Variants in ESYT3 observed in about 807,000 individuals in gnomAD.
The protein encoded by ESYT3 is extended synaptotagmin-3.
A neutral mutation model predicts 111.5 loss-of-function variants in ESYT3; 101 were observed. That is an observed-to-expected ratio of 0.91 (90% CI 0.77 to 1.07). ESYT3 has a LOEUF of 1.07. Among genes scored for constraint, ESYT3 ranks in the 50% least tolerant of loss-of-function variants. The pLI, the probability that ESYT3 is intolerant of heterozygous loss-of-function variation, is 0.00. For synonymous variants in ESYT3, 416 were observed against 446.8 expected, an observed-to-expected ratio of 0.93 and a Z score of 0.87; for missense variants, 1,097 against 1,109.4, an observed-to-expected ratio of 0.99 and a Z score of 0.16.
intron 1 of ESYT3, among the ~76,000 whole-genome samples, chr3:138,449,085 T>TC (rs976538605): frequency 2.1e-5 from 3 of 141,860 alleles, no homozygotes; most frequent in African/African-American, 5.4e-5. Flanking sequence ...TCTTTTTCTT[T>TC]TTTTTTTTTT....
intron 6 of ESYT3, among the ~76,000 whole-genome samples, chr3:138,460,284 G>A (rs1479337849): frequency 1.3e-5 from 2 of 152,232 alleles, no homozygotes; most frequent in Non-Finnish European, 2.9e-5. Flanking sequence ...CTCAAACTCA[G>A]AGCTTTCAAA....
At chr3:138,475,140 A>G (rs1331727850) in intron 20 of ESYT3, among the ~76,000 whole-genome samples, 1 of 152,220 alleles carries the variant, frequency 6.6e-6, no homozygotes, top group African/African-American at 2.4e-5. Flanking sequence ...AAGAGAGACT[A>G]TTCATTCAAC....
intron 16 of ESYT3, chr3:138,470,386 G>A: frequency 8.1e-7 from 1 of 1,228,504 alleles, no homozygotes; most frequent in South Asian, 2.2e-5. Context: ...CCCTGCAAAA[G>A]GGTCTTTATA....
intron 13 of ESYT3, 34 bp downstream of exon 13, chr3:138,468,751 C>A: frequency 1.2e-6 from 2 of 1,613,696 alleles, no homozygotes; most frequent in Non-Finnish European, 1.7e-6. Context: ...GTCACACAAA[C>A]GCAACAAAGT....
intron 5 of ESYT3, 58 bp from the exon 6 acceptor site, chr3:138,459,887 A>C: frequency 6.6e-7 from 1 of 1,514,244 alleles, no homozygotes; most frequent in Admixed American, 1.7e-5. Flanking sequence ...AGCTGAGCCC[A>C]GCAGGCATGG....
At chr3:138,474,488 GAAGC>G (rs2033394172) in intron 20 of ESYT3, 136 bp downstream of exon 20, 2 of 1,002,050 alleles carry the variant, frequency 2.0e-6, no homozygotes, top group Non-Finnish European at 2.8e-6. Context: ...ATGACTTCAT[GAAGC>G]TTCTGTACGT....
intron 18 of ESYT3, 110 bp from the exon 19 acceptor site, chr3:138,473,426 C>T (rs1184816047): frequency 2.2e-6 from 2 of 894,502 alleles, no homozygotes; most frequent in South Asian, 1.8e-5. Flanking sequence ...GAATTATTAT[C>T]CTACATGGCT....
In ESYT3 at chr3:138,469,488, A is replaced by G. The variant is rs761778947; in HGVS notation, c.1487A>G (p.Lys496Arg). The part of the protein sequence containing the change: ...SSYVKLSVGK[K>R]THTSKTCPHN... ...TATGTCAAACTATCTGTAGGCAAGA[A>G]GACACATACAAGTAAGGTAAGACAG... Residue 496 changes from lysine (K) to arginine (R), a missense_variant, in exon 15 of 23, where the codon AAG (lysine) becomes AGG (arginine). Coordinates refer to ENST00000389567, the MANE Select transcript of ESYT3 (RefSeq NM_031913.5). 6.2e-7 allele frequency: 1 copy of G among 1,613,968 alleles called. No individual in the cohort carries two copies. The highest frequency in any genetic ancestry group is 2.2e-5 in the East Asian group (1 of 44,884).
downstream of ESYT3, chr3:138,480,955 T>C (rs1234604518): frequency 2.0e-5 from 3 of 152,210 alleles, no homozygotes; most frequent in Non-Finnish European, 2.9e-5. Context: ...ACTCAATTTA[T>C]GACAGAGGTA....
At position 138,435,045 on chromosome 3, in the gene ESYT3, C is replaced by A. The variant is rs1312171263; in HGVS notation, c.247C>A (p.Leu83Met). The A allele has an allele frequency of 6.3e-7, 1 of 1,588,044 alleles. No homozygotes were observed. The highest frequency in any genetic ancestry group is 8.6e-7 in the Non-Finnish European group (1 of 1,168,876). ...RRNRRGKLGR[L>M]AAAFEFLDNE... Reference sequence around the variant, plus strand: ...GAACCGCCGCGGGAAGCTTGGGCGCCTGGCCGCCGCCTTCGAATTCCTTGA... The same window carrying A: ...GAACCGCCGCGGGAAGCTTGGGCGCATGGCCGCCGCCTTCGAATTCCTTGA... The change falls in exon 1 of 23, where the codon CTG becomes ATG. Residue 83 changes from leucine (L) to methionine (M), a missense_variant. Transcript: ENST00000389567. This position sits in a 1 kb window ranked among gnomAD's most constrained non-coding sequence, Gnocchi z 4.8.
At chr3:138,452,111 A>G in intron 2 of ESYT3, 22 bp downstream of exon 2, 6 of 1,606,804 alleles carry the variant, frequency 3.7e-6, no homozygotes, top group South Asian at 1.1e-5. Context: ...GGCAGGGCCT[A>G]GCAGGGCCGG....
intron 17 of ESYT3, among the ~76,000 whole-genome samples, chr3:138,471,275 C>T (rs932154889): frequency 6.6e-6 from 1 of 152,230 alleles, no homozygotes; most frequent in East Asian, 1.9e-4. Context: ...AATGTACCTT[C>T]TCATCTATCC....
chr3:138,457,898 A>G (rs920641449), intron 4 of ESYT3, among the ~76,000 whole-genome samples: 1 of 152,098 alleles, frequency 6.6e-6, no homozygotes, highest in African/African-American at 2.4e-5. Context: ...GGATGTGTCT[A>G]GTGGGAGCAA....
At chr3:138,460,136 C>A (rs2108614700) in intron 6 of ESYT3, 102 bp downstream of exon 6, 2 of 1,017,320 alleles carry the variant, frequency 2.0e-6, no homozygotes, top group East Asian at 2.5e-5. Context: ...GACATTGTCC[C>A]AGCCCACTGA....
In ESYT3 at chr3:138,455,865, T is replaced by C. The variant is rs189276590; in HGVS notation, c.504+537T>C. Among the ~76,000 whole-genome samples the C allele has an allele frequency of 2.2e-3, 334 of 152,362 alleles. 4 individuals are homozygous for C. The highest frequency in any genetic ancestry group is 0.021 in the Admixed American group (326 of 15,310). On this transcript the variant is annotated intron_variant, in intron 3 of 22. Coordinates refer to ENST00000389567, the MANE Select transcript of ESYT3 (RefSeq NM_031913.5). ...GTTTGTGTCAGCACACCTAATGTCA[T>C]GGTCCCTGTTCTAGACTGGGCTTCC... is the stretch of plus-strand genomic sequence containing the variant.
At chr3:138,450,759 G>A (rs2031868039) in intron 1 of ESYT3, among the ~76,000 whole-genome samples, 1 of 152,176 alleles carries the variant, frequency 6.6e-6, no homozygotes, top group Non-Finnish European at 1.5e-5. Flanking sequence ...GAGTCTTTAG[G>A]GCAACCCCAA....
intron 1 of ESYT3, among the ~76,000 whole-genome samples, chr3:138,436,997 CTGT>C (rs1254284924): frequency 1.3e-5 from 2 of 152,134 alleles, no homozygotes; most frequent in Admixed American, 1.3e-4. Flanking sequence ...GTTCTGGCCT[CTGT>C]TGGGGATACA....
chr3:138,468,205 G>T lies in ESYT3; in HGVS notation c.1308+11G>T, dbSNP rs1203749806. 20 of 1,613,538 alleles carry T rather than the reference G, an allele frequency of 1.2e-5. No homozygotes were observed. The highest frequency in any genetic ancestry group is 1.7e-5 in the Non-Finnish European group (20 of 1,179,608). On this transcript the variant is annotated intron_variant, in intron 12 of 22. Transcript: ENST00000389567. ...GAAGTTCTGACTGAGGTGAGTGTGG[G>T]GTGTCAAGGGCTCCCTTGCAGAAAG...
chr3:138,459,049 G>A (rs2032462149), intron 4 of ESYT3, 138 bp from the exon 5 acceptor site: 1 of 569,884 alleles, frequency 1.8e-6, no homozygotes, highest in Non-Finnish European at 3.1e-6. Flanking sequence ...ACTAGGCCAT[G>A]TGCCCAGTGC....
Sources: gnomAD v4.1 joint callset for allele counts (sites outside exome capture counted in the v4.1 genomes callset) on GRCh38, gnomAD v4.1.1 for gene constraint, Gnocchi (gnomAD v3.1) non-coding constraint, MANE v1.5 for transcripts, NCBI Gene and HGNC (gene_info 2026-07-23, HGNC 2026-07-21) for gene names.